The following BARX2 variants were observed in gnomAD, a reference collection of about 807,000 sequenced individuals.
BARX2 encodes the protein BARX homeobox 2, also known as homeobox protein BarH-like 2.
In BARX2, 11 loss-of-function variants were observed where a neutral mutation model predicts 25.5. The observed-to-expected ratio is 0.43, with a 90% CI of 0.27 to 0.71. The LOEUF (loss-of-function observed/expected upper bound fraction) is 0.71. BARX2 is among the 30% of genes least tolerant of loss of function. The pLI is 0.19. For synonymous variants in BARX2, 137 were observed against 149.5 expected (o/e 0.92, Z 0.61); for missense variants, 360 against 359.9 (o/e 1.00, Z 0.00).
chr11:129,376,336 C>T lies in BARX2; in HGVS notation c.187+114C>T, dbSNP rs1231365159. ...AAGGGTTAAGTTAAGGGATTCTTTTCCTGCGCCTCAGCAAGCGGTGGGCAT... is the reference window on the plus strand; with the variant it reads ...AAGGGTTAAGTTAAGGGATTCTTTTTCTGCGCCTCAGCAAGCGGTGGGCAT... On this transcript the variant is annotated intron_variant, in intron 1 of 3. Coordinates refer to ENST00000281437, the MANE Select transcript of BARX2 (RefSeq NM_003658.5). This position sits in a 1 kb window ranked among gnomAD's most constrained non-coding sequence, Gnocchi z 4.2. The T allele has an allele frequency of 2.7e-6, 3 of 1,099,296 alleles. No homozygotes were observed. Among genetic ancestry groups the T allele is most frequent in the East Asian group, 5.5e-5 (2 of 36,084 alleles). The allele number at this position is 1,099,296 out of a possible 1,614,324, so 68.1% of individuals were successfully genotyped here. A position where few individuals can be genotyped will look rare whatever the true frequency, so the allele number is the denominator to read the frequency against.
intron 1 of BARX2, among the ~76,000 whole-genome samples, chr11:129,412,443 A>C (rs1861899857): frequency 6.6e-6 from 1 of 152,202 alleles, no homozygotes; most frequent in Admixed American, 6.5e-5. Flanking sequence ...ATTCAAGGGC[A>C]AGGCAGTGGT....
At chr11:129,430,377 T>C (rs1862115597) in intron 1 of BARX2, among the ~76,000 whole-genome samples, 1 of 152,034 alleles carries the variant, frequency 6.6e-6, no homozygotes, top group Non-Finnish European at 1.5e-5. Flanking sequence ...ATTTAGGTCA[T>C]ATATATATAT....
At position 129,452,209 on chromosome 11, in the gene BARX2, C is replaced by T. The variant is rs922375635; in HGVS notation, c.*807C>T. The T allele has an allele frequency of 3.3e-5, 5 of 152,040 alleles. No individual in the cohort carries two copies. Among genetic ancestry groups the T allele is most frequent in the African/African-American group, 9.7e-5 (4 of 41,400 alleles). The allele number at this position is 152,040 out of a possible 1,614,324, so 9.4% of individuals were successfully genotyped here. ...CGGCATAAATGGGTTAAGGTGCCATCCCTGAAACTGCAATGCAGATATGTT... is the reference window on the plus strand; with the variant it reads ...CGGCATAAATGGGTTAAGGTGCCATTCCTGAAACTGCAATGCAGATATGTT... On this transcript the variant is annotated 3_prime_UTR_variant, in exon 4 of 4. Transcript: ENST00000281437.
In BARX2 at chr11:129,397,671, G is replaced by A. The variant is rs1195869289; in HGVS notation, c.187+21449G>A. Among the ~76,000 whole-genome samples the A allele has an allele frequency of 3.2e-4, 49 of 152,206 alleles. 1 individual carries two copies. The highest frequency in any genetic ancestry group is 3.1e-3 in the Admixed American group (48 of 15,288). ...TGGTGATGTGAGCGTCAGAGCCCCTGCCCTCGTTCTTGTGGGAGGCACAGA... is the reference window on the plus strand; with the variant it reads ...TGGTGATGTGAGCGTCAGAGCCCCTACCCTCGTTCTTGTGGGAGGCACAGA... On this transcript the variant is annotated intron_variant, in intron 1 of 3. Coordinates refer to ENST00000281437, the MANE Select transcript of BARX2 (RefSeq NM_003658.5).
intron 1 of BARX2, among the ~76,000 whole-genome samples, chr11:129,385,105 ACC>A: frequency 6.6e-6 from 1 of 152,240 alleles, no homozygotes; most frequent in East Asian, 1.9e-4. Context: ...AATATGAGAT[ACC>A]ATTTCACACT....
intron 1 of BARX2, among the ~76,000 whole-genome samples, chr11:129,434,253 A>G (rs1186371021): frequency 5.2e-5 from 1 of 19,338 alleles, no homozygotes; most frequent in Non-Finnish European, 8.5e-5. Flanking sequence ...TCATCAGTTT[A>G]TATGTTTTTT....
chr11:129,420,278 T>C (rs989218439), intron 1 of BARX2, among the ~76,000 whole-genome samples: 1 of 152,176 alleles, frequency 6.6e-6, no homozygotes, highest in South Asian at 2.1e-4. Flanking sequence ...GAATCTTGGA[T>C]ACACTCAAGC....
At chr11:129,399,476 C>T (rs1452973938) in intron 1 of BARX2, among the ~76,000 whole-genome samples, 1 of 152,168 alleles carries the variant, frequency 6.6e-6, no homozygotes, top group Non-Finnish European at 1.5e-5. Context: ...ATCCTCCTGT[C>T]TCAGCCTCTC....
At chr11:129,410,748 G>A (rs1396101914) in intron 1 of BARX2, among the ~76,000 whole-genome samples, 2 of 152,174 alleles carry the variant, frequency 1.3e-5, no homozygotes, top group African/African-American at 4.8e-5. Flanking sequence ...AGCAGGTGGG[G>A]TGAAGATACA....
intron 3 of BARX2, among the ~76,000 whole-genome samples, chr11:129,443,669 G>A (rs545003432): frequency 2.0e-5 from 3 of 152,208 alleles, no homozygotes; most frequent in Non-Finnish European, 2.9e-5. Flanking sequence ...TTCCATCTTT[G>A]ATTTTTAAGT....
chr11:129,402,979 G>A (rs1861793153), intron 1 of BARX2, among the ~76,000 whole-genome samples: 1 of 152,250 alleles, frequency 6.6e-6, no homozygotes, highest in Non-Finnish European at 1.5e-5. Context: ...TTCAGATGAG[G>A]AGAATGGTAT....
intron 1 of BARX2, among the ~76,000 whole-genome samples, chr11:129,427,713 G>A (rs999382523): frequency 6.6e-5 from 10 of 152,162 alleles, no homozygotes; most frequent in Admixed American, 2.0e-4. Context: ...TGTACTTGGG[G>A]GATTTTGCCC....
At chr11:129,404,203 T>G (rs1386554553) in intron 1 of BARX2, among the ~76,000 whole-genome samples, 1 of 152,226 alleles carries the variant, frequency 6.6e-6, no homozygotes, top group African/African-American at 2.4e-5. Flanking sequence ...CGGTTCTGAA[T>G]GACGTTGCCA....
chr11:129,429,589 T>A (rs1246170695), intron 1 of BARX2, among the ~76,000 whole-genome samples: 1 of 152,112 alleles, frequency 6.6e-6, no homozygotes, highest in Non-Finnish European at 1.5e-5. Flanking sequence ...GAAAATTCTG[T>A]AAGCAAAATA....
intron 1 of BARX2, among the ~76,000 whole-genome samples, chr11:129,434,421 T>TAAAA (rs56344103): frequency 5.5e-4 from 42 of 76,176 alleles, no homozygotes; most frequent in East Asian, 1.5e-3. Context: ...AAAAAGTAAG[T>TAAAA]AAAAAAAAAA....
At chr11:129,381,188 C>T (rs11221696) in intron 1 of BARX2, among the ~76,000 whole-genome samples, 47,135 of 152,132 alleles carry the variant, frequency 0.31, 7,528 homozygotes, top group Non-Finnish European at 0.35. Context: ...TGAAATGCCC[C>T]TCCAAATGTC....
chr11:129,393,492 A>C (rs1007293687), intron 1 of BARX2, among the ~76,000 whole-genome samples: 1 of 151,538 alleles, frequency 6.6e-6, no homozygotes, highest in African/African-American at 2.4e-5. Flanking sequence ...AGGCCATATA[A>C]AACTATCCCT....
At position 129,451,380 on chromosome 11, in the gene BARX2, C is replaced by G. The variant is rs376626609; in HGVS notation, c.818C>G (p.Ser273Trp). 1.9e-6 allele frequency: 3 copies of G among 1,613,684 alleles called. No individual in the cohort carries two copies. In the South Asian group the frequency reaches 3.3e-5, roughly 18 times the overall value. Residue 273 changes from serine to tryptophan, a missense_variant, in exon 4 of 4, where the codon TCG (serine) becomes TGG (tryptophan). This residue lies in a region of BARX2 where 114 missense variants were observed against 109.4 expected (regional missense o/e 1.04). Transcript: ENST00000281437. ...CCCCAGGAGTTGCCAATACCCTCTT[C>G]GGAACCCCCACCATTAAGCTAAAGT... ...DPPQELPIPS[S>W]EPPPLS
intron 2 of BARX2, 199 bp from the exon 3 acceptor site, chr11:129,442,636 T>TGTTTCTCA (rs145080005): frequency 0.53 from 312,938 of 591,290 alleles, 87,408 homozygotes; most frequent in East Asian, 0.86. Context: ...CATGGGCATC[T>TGTTTCTCA]GTTTCTCAGC....
Sources: allele counts gnomAD v4.1 joint callset (sites outside exome capture counted in the v4.1 genomes callset), GRCh38; gene constraint gnomAD v4.1.1; regional missense constraint gnomAD v4.1.1; non-coding constraint Gnocchi (gnomAD v3.1); transcripts MANE v1.5; gene names NCBI Gene and HGNC (gene_info 2026-07-23, HGNC 2026-07-21).